Variants in GRHL2 observed in about 807,000 individuals in gnomAD.
GRHL2 encodes grainyhead-like protein 2 homolog.
Under a neutral mutation model 83.8 loss-of-function variants are expected in GRHL2, and 21 were observed. That is an observed-to-expected ratio of 0.25 (90% CI 0.18 to 0.36). GRHL2 has a LOEUF of 0.36. Ranked by LOEUF, GRHL2 falls within the 10% of genes least tolerant of loss-of-function variation. The pLI is 1.00. For synonymous variants in GRHL2, 280 were observed against 278.9 expected (o/e 1.00, Z -0.04); for missense variants, 623 against 781.8 (o/e 0.80, Z 2.42).
the GRHL2 span, among the ~76,000 whole-genome samples, chr8:101,677,411 C>T: frequency 4.0e-5 from 6 of 151,568 alleles, no homozygotes; most frequent in African/African-American, 1.5e-4. Flanking sequence ...GCTAATAACC[C>T]CGACCATCTC....
chr8:101,663,059 C>T (rs4734038), intron 14 of GRHL2, among the ~76,000 whole-genome samples: 66,057 of 151,790 alleles, frequency 0.44, 14,891 homozygotes, highest in South Asian at 0.56. Flanking sequence ...GTTTGTTATA[C>T]GCAGTTTTCT....
chr8:101,636,052 T>A (rs1813278210), intron 11 of GRHL2, among the ~76,000 whole-genome samples: 1 of 152,170 alleles, frequency 6.6e-6, no homozygotes, highest in Admixed American at 6.5e-5. Context: ...ACTCAGGTAT[T>A]ATTCTTCACT....
intron 1 of GRHL2, among the ~76,000 whole-genome samples, chr8:101,530,092 C>G (rs1314256941): frequency 2.0e-5 from 3 of 152,210 alleles, no homozygotes; most frequent in African/African-American, 4.8e-5. Flanking sequence ...TGTACAGGAA[C>G]TGGCTTAGCC....
chr8:101,613,529 AT>A (rs1322830802), intron 8 of GRHL2, among the ~76,000 whole-genome samples: 1 of 151,018 alleles, frequency 6.6e-6, no homozygotes, highest in East Asian at 1.9e-4. Flanking sequence ...GCATAAAAAA[AT>A]AGATGGTTAC....
intron 1 of GRHL2, among the ~76,000 whole-genome samples, chr8:101,521,322 G>T (rs1458896557): frequency 1.3e-5 from 2 of 152,168 alleles, no homozygotes; most frequent in Non-Finnish European, 2.9e-5. Context: ...CATGATCGCT[G>T]GCTGGAAGCA....
chr8:101,581,014 A>C (rs1427302861), intron 7 of GRHL2, among the ~76,000 whole-genome samples: 1 of 152,146 alleles, frequency 6.6e-6, no homozygotes, highest in Non-Finnish European at 1.5e-5. Flanking sequence ...TTTTTTAAAA[A>C]ACAATTATTC....
At chr8:101,509,170 CTT>C (rs775024339) in intron 1 of GRHL2, among the ~76,000 whole-genome samples, 81 of 69,522 alleles carry the variant, frequency 1.2e-3, no homozygotes, top group South Asian at 2.3e-3. Flanking sequence ...TTCTTTCTTT[CTT>C]TTTCTTTCTT....
the GRHL2 span, among the ~76,000 whole-genome samples, chr8:101,679,663 G>A: frequency 6.6e-6 from 1 of 151,484 alleles, no homozygotes; most frequent in Admixed American, 6.6e-5. Flanking sequence ...AAATGTTAAG[G>A]ACAGCCAGAG....
intron 1 of GRHL2, chr8:101,542,681 C>G: frequency 2.2e-6 from 1 of 452,898 alleles, no homozygotes; most frequent in African/African-American, 2.0e-5. Context: ...GAATACCTGA[C>G]CCTGGGTAGA....
intron 1 of GRHL2, among the ~76,000 whole-genome samples, chr8:101,541,216 A>T (rs1023331926): frequency 6.6e-5 from 10 of 151,454 alleles, no homozygotes; most frequent in African/African-American, 2.4e-4. Flanking sequence ...TTAACCACTC[A>T]TAGATTGATG....
intron 7 of GRHL2, among the ~76,000 whole-genome samples, chr8:101,586,713 C>T (rs577494318): frequency 6.6e-6 from 1 of 152,286 alleles, no homozygotes; most frequent in African/African-American, 2.4e-5. Flanking sequence ...AGATGCTCAA[C>T]CGATGTTGCA....
At chr8:101,624,328 C>T (rs1224333269) in intron 9 of GRHL2, among the ~76,000 whole-genome samples, 1 of 145,118 alleles carries the variant, frequency 6.9e-6, no homozygotes, top group Non-Finnish European at 1.5e-5. Flanking sequence ...TTCCATGACA[C>T]TGGTAGGACA....
the GRHL2 span, among the ~76,000 whole-genome samples, chr8:101,680,016 A>G: frequency 8.4e-6 from 1 of 118,642 alleles, no homozygotes; most frequent in Non-Finnish European, 1.7e-5. Flanking sequence ...AACTGCATCA[A>G]CTAACGAGCA....
chr8:101,546,038 T>C (rs1023699170), intron 2 of GRHL2, among the ~76,000 whole-genome samples: 1 of 151,804 alleles, frequency 6.6e-6, no homozygotes, highest in Admixed American at 6.6e-5. Flanking sequence ...CACTCTACCA[T>C]GACCAGCTAA....
Position 101,650,711 on chromosome 8 carries a change from G to A in GRHL2, c.1698+1212G>A, listed in dbSNP as rs757974449. Among the ~76,000 whole-genome samples the A allele has an allele frequency of 6.6e-5, 10 of 151,914 alleles. No homozygotes were observed. In the East Asian group the frequency reaches 7.7e-4, roughly 12 times the overall value. On this transcript the variant is annotated intron_variant, in intron 14 of 15. Transcript: ENST00000646743. ...TCTTTGGGGGGGATGAAAATGTTTC[G>A]GAATTAGATAGAGGTGATGGTTGTA...
At chr8:101,521,694 T>C (rs1361151444) in intron 1 of GRHL2, among the ~76,000 whole-genome samples, 1 of 152,228 alleles carries the variant, frequency 6.6e-6, no homozygotes, top group Non-Finnish European at 1.5e-5. Context: ...GTTTCCGTTA[T>C]TTAACAAGAC....
rs190610342 is a variant in GRHL2, at chr8:101,582,520, A to G, written c.1003+5001A>G. Among the ~76,000 whole-genome samples the G allele has an allele frequency of 2.4e-3, 359 of 152,286 alleles. 4 individuals carry two copies. The highest frequency in any genetic ancestry group is 8.1e-3 in the African/African-American group (338 of 41,560). ...AAGAAACCCTGATTAAGCTGTTTCT[A>G]TGTGTCACAGGCTGAAGCCTTGGGT... On this transcript the variant is annotated intron_variant, in intron 7 of 15. Transcript: ENST00000646743.
chr8:101,648,502 T>C (rs371749164), intron 13 of GRHL2, among the ~76,000 whole-genome samples: 1 of 152,206 alleles, frequency 6.6e-6, no homozygotes, highest in East Asian at 1.9e-4. Flanking sequence ...GCGTGCCACA[T>C]GGCTTTTATT....
intron 9 of GRHL2, among the ~76,000 whole-genome samples, chr8:101,628,569 C>G (rs946636904): frequency 1.3e-5 from 2 of 152,042 alleles, no homozygotes; most frequent in Non-Finnish European, 2.9e-5. Context: ...ATTTTCCAGT[C>G]TTTTTATTTA....
Sources: allele counts gnomAD v4.1 joint callset (sites outside exome capture counted in the v4.1 genomes callset), GRCh38; gene constraint gnomAD v4.1.1; transcripts MANE v1.5; gene names NCBI Gene and HGNC (gene_info 2026-07-23, HGNC 2026-07-21).